CRB1: variants seen among roughly 807,000 people sequenced by gnomAD.
CRB1 encodes crumbs cell polarity complex component 1.
Under a neutral mutation model 120.0 loss-of-function variants are expected in CRB1, and 83 were observed. The ratio of observed to expected loss-of-function variants is 0.69; its 90% confidence interval spans 0.58 to 0.83. The LOEUF (loss-of-function observed/expected upper bound fraction) is 0.83. Among genes scored for constraint, CRB1 ranks in the 40% least tolerant of loss-of-function variants. The pLI is 0.00. For synonymous variants in CRB1, 625 were observed against 612.5 expected, an observed-to-expected ratio of 1.02 and a Z score of -0.30; for missense variants, 1,699 against 1,687.6, an observed-to-expected ratio of 1.01 and a Z score of -0.12.
intron 1 of CRB1, among the ~76,000 whole-genome samples, chr1:197,319,733 G>T (rs1480501999): frequency 6.6e-6 from 1 of 151,846 alleles, no homozygotes; most frequent in African/African-American, 2.4e-5. Flanking sequence ...AACATAGGAG[G>T]ATTTAGAAAC....
intron 11 of CRB1, among the ~76,000 whole-genome samples, chr1:197,462,023 G>A (rs1046964776): frequency 2.6e-5 from 4 of 152,106 alleles, no homozygotes; most frequent in African/African-American, 7.2e-5. Context: ...AACTCATCGC[G>A]GAGGACATGC....
At position 197,283,391 on chromosome 1, in the gene CRB1, C is replaced by G. The variant is rs141790129; in HGVS notation, c.70+14909C>G. 1.2e-4 allele frequency among the ~76,000 whole-genome samples: 18 copies of G among 151,860 alleles called. No individual in the cohort carries two copies. The East Asian group carries it at 3.5e-3, about 30-fold the overall frequency. On this transcript the variant is annotated intron_variant, in intron 1 of 11. Transcript: ENST00000367400. ...TGTGTAGTCTGTTATCCCGCATCCC[C>G]CTCCCGCCCTTTCCTGCCGAGTCCC...
At chr1:197,293,737 A>G (rs1016870586) in intron 1 of CRB1, among the ~76,000 whole-genome samples, 1 of 152,156 alleles carries the variant, frequency 6.6e-6, no homozygotes, top group Admixed American at 6.6e-5. Flanking sequence ...GGAACAGAAC[A>G]GAGCCCTCAG....
intron 11 of CRB1, among the ~76,000 whole-genome samples, chr1:197,466,954 C>A (rs1166623340): frequency 6.6e-6 from 1 of 152,098 alleles, no homozygotes; most frequent in Non-Finnish European, 1.5e-5. Flanking sequence ...AGGGTCAGGG[C>A]CAAATATGTG....
intron 2 of CRB1, among the ~76,000 whole-genome samples, chr1:197,339,692 A>G (rs1488295603): frequency 6.6e-6 from 1 of 152,220 alleles, no homozygotes; most frequent in East Asian, 1.9e-4. Flanking sequence ...GATAGGATAT[A>G]ATGTCCATTA....
In CRB1 at chr1:197,421,920, T is replaced by A. The variant is rs1185924666; in HGVS notation, c.2092T>A (p.Cys698Ser). ...INLWLSYQCD[C>S]HRPYEGPNCL... ...CTTGTGGCTGAGTTACCAGTGTGACTGCCACAGGCCCTATGAAGGCCCCAA... is the reference window on the plus strand; with the variant it reads ...CTTGTGGCTGAGTTACCAGTGTGACAGCCACAGGCCCTATGAAGGCCCCAA... Residue 698 changes from cysteine to serine, a missense_variant, in exon 6 of 12, where the codon TGC becomes AGC. Transcript: ENST00000367400. The A allele has an allele frequency of 6.2e-7, 1 of 1,614,082 alleles. No homozygotes were observed. Among genetic ancestry groups the A allele is most frequent in the South Asian group, 1.1e-5 (1 of 91,088 alleles).
chr1:197,374,942 G>A (rs184860003), intron 5 of CRB1, among the ~76,000 whole-genome samples: 47 of 152,228 alleles, frequency 3.1e-4, no homozygotes, highest in Non-Finnish European at 5.9e-4. Flanking sequence ...ATATAAGGCT[G>A]TTTGTTTTAA....
chr1:197,204,114 A>G, the CRB1 span, among the ~76,000 whole-genome samples: 2 of 152,144 alleles, frequency 1.3e-5, no homozygotes, highest in Non-Finnish European at 2.9e-5. Flanking sequence ...TGTGAATGCC[A>G]TTATTTTGTT....
At chr1:197,252,532 T>G in the CRB1 span, among the ~76,000 whole-genome samples, 1 of 79,668 alleles carries the variant, frequency 1.3e-5, no homozygotes, top group African/African-American at 4.2e-5. Flanking sequence ...AAAAAGCCAA[T>G]AGATTTTATA....
intron 1 of CRB1, among the ~76,000 whole-genome samples, chr1:197,297,820 A>G (rs1444477641): frequency 2.0e-5 from 3 of 152,238 alleles, no homozygotes; most frequent in African/African-American, 4.8e-5. Context: ...GTATGAAGCT[A>G]TAAAAAAGAA....
chr1:197,384,792 G>A (rs1163074609), intron 5 of CRB1, among the ~76,000 whole-genome samples: 2 of 152,060 alleles, frequency 1.3e-5, no homozygotes, highest in Non-Finnish European at 2.9e-5. Context: ...GACCACATTT[G>A]CATATTTATA....
chr1:197,302,084 C>A (rs1656898556), intron 1 of CRB1, among the ~76,000 whole-genome samples: 1 of 152,102 alleles, frequency 6.6e-6, no homozygotes, highest in South Asian at 2.1e-4. Context: ...ACAAAGAAAT[C>A]TTTCATGAAA....
Position 197,435,702 on chromosome 1 carries a change from A to G in CRB1, c.3749+90A>G, listed in dbSNP as rs146304619. 2.3e-4 allele frequency: 266 copies of G among 1,135,220 alleles called. 1 individual carries two copies. The East Asian group carries it at 5.5e-3, about 23-fold the overall frequency. The allele number at this position is 1,135,220 out of a possible 1,614,324, so 70.3% of individuals were successfully genotyped here. Reference sequence around the variant, plus strand: ...AATTGGAAAGCTCTCTCCTCAAGGTATACATATATACTGTGCTGAACAGGG... The same window carrying G: ...AATTGGAAAGCTCTCTCCTCAAGGTGTACATATATACTGTGCTGAACAGGG... On this transcript the variant is annotated intron_variant, in intron 9 of 11. Coordinates refer to ENST00000367400, the MANE Select transcript of CRB1 (RefSeq NM_201253.3).
rs1391023078 is a variant in CRB1, at chr1:197,476,655, G to A, written c.4006-1009G>A. Among the ~76,000 whole-genome samples, 12 of 152,154 alleles carry A rather than the reference G, an allele frequency of 7.9e-5. No homozygotes were observed. The South Asian group carries it at 2.1e-3, about 26-fold the overall frequency. Reference sequence around the variant, plus strand: ...ACCAAGACACAGGGGACAATAAAAAGAGACTAAGGATAGAAAAGATATTTA... The same window carrying A: ...ACCAAGACACAGGGGACAATAAAAAAAGACTAAGGATAGAAAAGATATTTA... On this transcript the variant is annotated intron_variant, in intron 11 of 11. Coordinates refer to ENST00000367400, the MANE Select transcript of CRB1 (RefSeq NM_201253.3).
chr1:197,203,179 TCAAG>T, the CRB1 span, among the ~76,000 whole-genome samples: 5 of 152,184 alleles, frequency 3.3e-5, no homozygotes, highest in African/African-American at 9.7e-5. Flanking sequence ...TTTAAAAATC[TCAAG>T]CAAGGATTAG....
chr1:197,311,717 G>A (rs1463212632), intron 1 of CRB1, among the ~76,000 whole-genome samples: 6 of 150,922 alleles, frequency 4.0e-5, no homozygotes, highest in African/African-American at 1.5e-4. Flanking sequence ...GTGTGTGTGT[G>A]TGTGTGTGTG....
chr1:197,268,336 G>C lies in CRB1; in HGVS notation c.-77G>C. ...GGTTCTGAGGCACCCGCTCCTCTCT[G>C]AGACAGACAGGGATCAGGAGCCGGA... On this transcript the variant is annotated 5_prime_UTR_variant, in exon 1 of 12. It removes the in-frame stop codon of an upstream open reading frame in the 5' UTR. Transcript: ENST00000367400. The C allele has an allele frequency of 3.7e-6, 4 of 1,084,066 alleles. No individual in the cohort carries two copies. The highest frequency in any genetic ancestry group is 1.2e-5 in the South Asian group (1 of 80,010). 67.2% of individuals were successfully genotyped at this position (1,084,066 alleles called of 1,614,324 possible).
At chr1:197,450,671 T>G (rs1291573909) in intron 11 of CRB1, among the ~76,000 whole-genome samples, 2 of 150,390 alleles carry the variant, frequency 1.3e-5, no homozygotes, top group Non-Finnish European at 3.0e-5. Context: ...CCGGGCGCGG[T>G]GGCTCATGCC....
the CRB1 span, among the ~76,000 whole-genome samples, chr1:197,219,763 A>G: frequency 6.6e-6 from 1 of 152,196 alleles, no homozygotes; most frequent in Non-Finnish European, 1.5e-5. Flanking sequence ...ACTTACCTCT[A>G]AGTTTTATAC....
Sources: allele counts gnomAD v4.1 joint callset (sites outside exome capture counted in the v4.1 genomes callset), GRCh38; gene constraint gnomAD v4.1.1; transcripts MANE v1.5; gene names NCBI Gene and HGNC (gene_info 2026-07-23, HGNC 2026-07-21).